Variants in GNAQ observed in about 807,000 individuals in gnomAD.
The protein encoded by GNAQ is G protein subunit alpha q.
GNAQ carries 8 observed loss-of-function variants against 43.9 expected under a neutral mutation model. The observed-to-expected ratio is 0.18, with a 90% CI of 0.11 to 0.33. The LOEUF is 0.33. GNAQ is among the 10% of genes least tolerant of loss of function. GNAQ has a pLI of 1.00. For synonymous variants in GNAQ, 155 were observed against 170.7 expected (o/e 0.91, Z 0.71); for missense variants, 158 against 450.8 (o/e 0.35, Z 5.88).
At chr9:78,020,604 G>A (rs1012192785) in intron 1 of GNAQ, among the ~76,000 whole-genome samples, 7 of 152,162 alleles carry the variant, frequency 4.6e-5, no homozygotes, top group African/African-American at 1.7e-4. Context: ...GCGGCCAGAA[G>A]AGGCAGCATT....
intron 5 of GNAQ, among the ~76,000 whole-genome samples, chr9:77,786,018 G>A (rs563568732): frequency 5.3e-4 from 81 of 152,176 alleles, no homozygotes; most frequent in South Asian, 8.3e-4. Flanking sequence ...AGAAAGACTC[G>A]TGCATATAAT....
At chr9:77,970,105 G>A (rs1823217823) in intron 1 of GNAQ, among the ~76,000 whole-genome samples, 1 of 152,022 alleles carries the variant, frequency 6.6e-6, no homozygotes, top group Admixed American at 6.6e-5. Flanking sequence ...TGTAATCCCA[G>A]CTACTTGGGA....
Position 77,924,768 on chromosome 9 carries a change from G to T in GNAQ, c.137-2423C>A, listed in dbSNP as rs145539749. Among the ~76,000 whole-genome samples, 893 of 152,046 alleles carry T rather than the reference G, an allele frequency of 5.9e-3. 5 individuals carry two copies. The highest frequency in any genetic ancestry group is 0.014 in the Middle Eastern group (4 of 294). On this transcript the variant is annotated intron_variant, in intron 1 of 6. Coordinates refer to ENST00000286548, the MANE Select transcript of GNAQ (RefSeq NM_002072.5). ...ATGAATGAATTAGGATAAATTAAGAGGAAAGAAAAAACAATAAAAGTATCA... is the reference window on the plus strand; with the variant it reads ...ATGAATGAATTAGGATAAATTAAGATGAAAGAAAAAACAATAAAAGTATCA...
At chr9:77,886,414 G>C (rs1253742087) in intron 2 of GNAQ, among the ~76,000 whole-genome samples, 1 of 149,564 alleles carries the variant, frequency 6.7e-6, no homozygotes, top group Non-Finnish European at 1.5e-5. Flanking sequence ...CATCTTAGTG[G>C]TTAATCTCTA....
intron 5 of GNAQ, among the ~76,000 whole-genome samples, chr9:77,782,350 A>C (rs917319311): frequency 1.3e-5 from 2 of 152,220 alleles, no homozygotes; most frequent in Non-Finnish European, 2.9e-5. Context: ...ACATCTGTTC[A>C]CTTCACTAAA....
intron 5 of GNAQ, among the ~76,000 whole-genome samples, chr9:77,773,031 G>T (rs1007304121): frequency 6.6e-6 from 1 of 152,244 alleles, no homozygotes; most frequent in South Asian, 2.1e-4. Flanking sequence ...CAGGCTATGG[G>T]TTGGACAAGC....
intron 3 of GNAQ, among the ~76,000 whole-genome samples, chr9:77,804,508 C>G (rs1327851280): frequency 1.3e-5 from 2 of 152,122 alleles, no homozygotes; most frequent in Admixed American, 1.3e-4. Context: ...CACAGTAAGA[C>G]CCTGACTCTA....
chr9:77,826,789 T>C (rs149550550), intron 2 of GNAQ, among the ~76,000 whole-genome samples: 2 of 152,306 alleles, frequency 1.3e-5, no homozygotes, highest in East Asian at 3.9e-4. Context: ...AGTATAGTAA[T>C]AGGCACACAT....
chr9:77,855,782 C>A (rs529718557), intron 2 of GNAQ, among the ~76,000 whole-genome samples: 1 of 151,874 alleles, frequency 6.6e-6, no homozygotes, highest in Non-Finnish European at 1.5e-5. Context: ...AAGCCCTCTG[C>A]CATTTGCTAT....
chr9:77,848,839 A>G (rs1827626192), intron 2 of GNAQ, among the ~76,000 whole-genome samples: 1 of 152,242 alleles, frequency 6.6e-6, no homozygotes, highest in South Asian at 2.1e-4. Flanking sequence ...GAAAAAGGAA[A>G]AGGAAAGAAC....
At chr9:77,743,199 A>G (rs1396760214) in intron 5 of GNAQ, among the ~76,000 whole-genome samples, 1 of 152,234 alleles carries the variant, frequency 6.6e-6, no homozygotes, top group Admixed American at 6.5e-5. Context: ...CGGAGGTTGC[A>G]GTGAGCCAAG....
At chr9:77,820,346 G>A (rs1827093214) in intron 2 of GNAQ, among the ~76,000 whole-genome samples, 1 of 152,200 alleles carries the variant, frequency 6.6e-6, no homozygotes, top group Non-Finnish European at 1.5e-5. Context: ...GACTTCATTA[G>A]AACCTGAACC....
intron 5 of GNAQ, among the ~76,000 whole-genome samples, chr9:77,773,857 C>T (rs1564106823): frequency 6.6e-6 from 1 of 152,182 alleles, no homozygotes; most frequent in Non-Finnish European, 1.5e-5. Flanking sequence ...AAGAACATTT[C>T]ACGAAATCCA....
chr9:77,960,432 T>C (rs1481614549), intron 1 of GNAQ, among the ~76,000 whole-genome samples: 2 of 152,196 alleles, frequency 1.3e-5, no homozygotes, highest in Non-Finnish European at 2.9e-5. Flanking sequence ...CTGTGGTATG[T>C]AGGGATTGCC....
chr9:77,803,208 C>T (rs75174827), intron 3 of GNAQ, among the ~76,000 whole-genome samples: 4,418 of 152,242 alleles, frequency 0.029, 182 homozygotes, highest in African/African-American at 0.093. Context: ...TATTACTGGC[C>T]TGCATCATGT....
intron 1 of GNAQ, among the ~76,000 whole-genome samples, chr9:78,029,070 C>CGTTATTTAAATA (rs1169044333): frequency 1.3e-5 from 2 of 152,214 alleles, no homozygotes; most frequent in Admixed American, 6.5e-5. Context: ...TTTTTAAAAG[C>CGTTATTTAAATA]ACAGTGTTAT....
chr9:77,817,938 C>A (rs1376491136), intron 2 of GNAQ, among the ~76,000 whole-genome samples: 1 of 151,920 alleles, frequency 6.6e-6, no homozygotes, highest in Non-Finnish European at 1.5e-5. Context: ...ATAAACATGG[C>A]ACTTTTTAAA....
intron 1 of GNAQ, among the ~76,000 whole-genome samples, chr9:78,002,512 G>A (rs933839316): frequency 1.3e-5 from 2 of 152,140 alleles, no homozygotes; most frequent in Admixed American, 6.5e-5. Flanking sequence ...CCTTGGTACA[G>A]AGCCAAACAA....
At chr9:77,922,077 A>G in intron 2 of GNAQ, 84 bp downstream of exon 2, 1 of 862,550 alleles carries the variant, frequency 1.2e-6, no homozygotes, top group Non-Finnish European at 1.9e-6. Flanking sequence ...CACTCCAGAC[A>G]TGTCAAGAGG....
Sources: allele counts gnomAD v4.1 joint callset (sites outside exome capture counted in the v4.1 genomes callset), GRCh38; gene constraint gnomAD v4.1.1; transcripts MANE v1.5; gene names NCBI Gene and HGNC (gene_info 2026-07-23, HGNC 2026-07-21).